Variants in CRTAM observed in about 807,000 individuals in gnomAD.
The protein encoded by CRTAM is cytotoxic and regulatory T-cell molecule.
Under a neutral mutation model 50.0 loss-of-function variants are expected in CRTAM, and 44 were observed. The ratio of observed to expected loss-of-function variants is 0.88; its 90% CI spans 0.69 to 1.13. CRTAM has a LOEUF of 1.13. Ranked by LOEUF, CRTAM falls within the 50% of genes most tolerant of loss-of-function variation. The probability of loss-of-function intolerance (pLI) is 0.00; values close to 1 mark genes in which losing one functional copy is unlikely to be tolerated. For missense variants in CRTAM, 448 were observed against 457.5 expected, an observed-to-expected ratio of 0.98 and a Z score of 0.19; for synonymous variants, 159 against 169.3, an observed-to-expected ratio of 0.94 and a Z score of 0.47.
chr11:122,861,235 G>T (rs1862069608), intron 5 of CRTAM, among the ~76,000 whole-genome samples: 1 of 150,418 alleles, frequency 6.6e-6, no homozygotes, highest in South Asian at 2.1e-4. Flanking sequence ...CATACAGTTT[G>T]AATGTTTGAT....
At chr11:122,849,361 T>C (rs1344803113) in intron 1 of CRTAM, among the ~76,000 whole-genome samples, 1 of 152,220 alleles carries the variant, frequency 6.6e-6, no homozygotes, top group African/African-American at 2.4e-5. Flanking sequence ...ATGACCTCTG[T>C]TACCTTGAGC....
At chr11:122,864,931 C>T (rs1862148985) in intron 7 of CRTAM, among the ~76,000 whole-genome samples, 1 of 152,160 alleles carries the variant, frequency 6.6e-6, no homozygotes, top group African/African-American at 2.4e-5. Context: ...CTAACCACTG[C>T]TTCTCTGTAT....
At chr11:122,840,365 T>A (rs1287229564) in intron 1 of CRTAM, among the ~76,000 whole-genome samples, 1 of 152,118 alleles carries the variant, frequency 6.6e-6, no homozygotes. Context: ...ACAACATAAA[T>A]ACCAGCCTAT....
chr11:122,868,824 C>T (rs1862216769), intron 9 of CRTAM, among the ~76,000 whole-genome samples: 1 of 152,064 alleles, frequency 6.6e-6, no homozygotes, highest in Non-Finnish European at 1.5e-5. Flanking sequence ...CTGGCTAACA[C>T]AGTGAAACCC....
chr11:122,842,896 C>T (rs559335742), intron 1 of CRTAM, among the ~76,000 whole-genome samples: 4 of 152,210 alleles, frequency 2.6e-5, no homozygotes, highest in East Asian at 3.9e-4. Flanking sequence ...GTAGAGATAA[C>T]GAGTTCCAAT....
intron 5 of CRTAM, among the ~76,000 whole-genome samples, chr11:122,858,225 A>C (rs1402431265): frequency 6.6e-6 from 1 of 151,420 alleles, no homozygotes; most frequent in African/African-American, 2.4e-5. Flanking sequence ...CAGAATTATC[A>C]TTTATTTATT....
At chr11:122,863,351 A>AAGAAAGAAAGAAAAAG (rs1244147699) in intron 6 of CRTAM, among the ~76,000 whole-genome samples, 2 of 60,610 alleles carry the variant, frequency 3.3e-5, no homozygotes, top group African/African-American at 8.1e-5. Context: ...GAAAGAAAGA[A>AAGAAAGAAAGAAAAAG]AAAGAAAGAA....
chr11:122,852,368 G>T (rs1861942616), intron 3 of CRTAM, among the ~76,000 whole-genome samples: 1 of 152,224 alleles, frequency 6.6e-6, no homozygotes, highest in Non-Finnish European at 1.5e-5. Context: ...GTGCGGATAG[G>T]AAGTGACAGC....
chr11:122,868,030 C>A lies in CRTAM; in HGVS notation c.982C>A (p.His328Asn). ...TTTTGTAGAAAACGAAGTTTCAGAA[C>A]ACACACTAGAAAGTTACAGATCAAG... Reference protein sequence around the residue: ...IWKKENEVSEHTLESYRSRSN... With the variant: ...IWKKENEVSENTLESYRSRSN... Residue 328 changes from histidine (H) to asparagine (N), a missense_variant, in exon 9 of 10, where the codon CAC (histidine) becomes AAC (asparagine). Transcript: ENST00000227348. 6.2e-7 allele frequency: 1 copy of A among 1,610,956 alleles called. No individual in the cohort carries two copies.
At chr11:122,853,525 A>C (rs1861962398) in intron 3 of CRTAM, among the ~76,000 whole-genome samples, 1 of 151,988 alleles carries the variant, frequency 6.6e-6, no homozygotes, top group Non-Finnish European at 1.5e-5. Context: ...GAAGAGATTA[A>C]GTTAAAAAAT....
At chr11:122,864,328 A>G (rs551877601) in intron 6 of CRTAM, among the ~76,000 whole-genome samples, 1 of 152,328 alleles carries the variant, frequency 6.6e-6, no homozygotes, top group East Asian at 1.9e-4. Flanking sequence ...GACTTTAGGT[A>G]CTTTACATAA....
At position 122,850,081 on chromosome 11, in the gene CRTAM, T is replaced by C. The variant is rs780310498; in HGVS notation, c.60T>C (p.Thr20=). 1 of 1,610,212 alleles carries C rather than the reference T, an allele frequency of 6.2e-7. No homozygotes were observed. The highest frequency in any genetic ancestry group is 1.7e-5 in the Admixed American group (1 of 59,934). Residue 20 remains threonine, a synonymous_variant, in exon 2 of 10, where the codon ACT becomes ACC. Transcript: ENST00000227348. ...AWFPLQEASL[T]NHTETITVEE... is the part of the protein sequence containing the mutation. ...CTTCCTCCACAGAGGCCTCTCTGAC[T>C]AACCACACAGAAACCATCACCGTGG...
rs991603718 is a variant in CRTAM at position 122,871,541 on chromosome 11, T to C, written c.*142T>C. On this transcript the variant is annotated 3_prime_UTR_variant, in exon 10 of 10. Transcript: ENST00000227348. ...AAGATGGTGTCCTCGGATAATGATCTGCCCCGGAGCTAGGGCAGCAACATG... is the reference window on the plus strand; with the variant it reads ...AAGATGGTGTCCTCGGATAATGATCCGCCCCGGAGCTAGGGCAGCAACATG... The C allele has an allele frequency of 1.9e-5, 12 of 617,566 alleles. No individual in the cohort carries two copies. Among genetic ancestry groups the C allele is most frequent in the Middle Eastern group, 4.5e-4 (1 of 2,202 alleles). The allele number at this position is 617,566 out of a possible 1,614,324, so 38.3% of individuals were successfully genotyped here. A position where few individuals can be genotyped will look rare whatever the true frequency, so the allele number is the denominator to read the frequency against.
intron 7 of CRTAM, among the ~76,000 whole-genome samples, chr11:122,866,880 G>A (rs1001147672): frequency 2.0e-5 from 3 of 151,972 alleles, no homozygotes; most frequent in Non-Finnish European, 4.4e-5. Context: ...CAAAGTGCTG[G>A]GATTACAGGC....
At chr11:122,843,856 A>T (rs138581735) in intron 1 of CRTAM, among the ~76,000 whole-genome samples, 133 of 152,338 alleles carry the variant, frequency 8.7e-4, no homozygotes, top group Middle Eastern at 3.4e-3. Context: ...ACATTGAAAC[A>T]TATTTTTAAG....
chr11:122,858,545 G>T (rs944601762), intron 5 of CRTAM, among the ~76,000 whole-genome samples: 5 of 151,424 alleles, frequency 3.3e-5, no homozygotes, highest in African/African-American at 1.2e-4. Flanking sequence ...TGTTGTTCTT[G>T]TTGAGACAAG....
chr11:122,849,413 C>T (rs569804757), intron 1 of CRTAM, among the ~76,000 whole-genome samples: 1 of 152,306 alleles, frequency 6.6e-6, no homozygotes, highest in South Asian at 2.1e-4. Flanking sequence ...TTCTTCCTTT[C>T]TAGGGTTAGT....
In CRTAM at chr11:122,845,155, G is replaced by A. The variant is rs973801735; in HGVS notation, c.47-4913G>A. ...AGCAGCTGCCAGTGAGTTAGGAAGG[G>A]AGTCAAAAAGAGACTGACATCTAGG... is the stretch of plus-strand genomic sequence containing the variant. On this transcript the variant is annotated intron_variant, in intron 1 of 9. Transcript: ENST00000227348. 2.6e-5 allele frequency among the ~76,000 whole-genome samples: 4 copies of A among 152,262 alleles called. No individual in the cohort carries two copies. The East Asian group carries it at 7.7e-4, about 29-fold the overall frequency.
chr11:122,841,163 A>G (rs894247314), intron 1 of CRTAM, among the ~76,000 whole-genome samples: 2 of 152,084 alleles, frequency 1.3e-5, no homozygotes, highest in African/African-American at 4.8e-5. Context: ...TATACCTGCA[A>G]TTTTCTCTAT....
Sources: gnomAD v4.1 joint callset for allele counts (sites outside exome capture counted in the v4.1 genomes callset) on GRCh38, gnomAD v4.1.1 for gene constraint, MANE v1.5 for transcripts, NCBI Gene and HGNC (gene_info 2026-07-23, HGNC 2026-07-21) for gene names.